The following CRTC1 variants were observed in gnomAD, a reference collection of about 807,000 sequenced individuals.
CRTC1 encodes CREB regulated transcription coactivator 1.
CRTC1 carries 18 observed loss-of-function variants against 66.1 expected under a neutral mutation model. The observed-to-expected ratio is 0.27, with a 90% CI of 0.19 to 0.40. CRTC1 has a LOEUF of 0.40. CRTC1 is among the 10% of genes least tolerant of loss of function. CRTC1 has a pLI of 1.00. For synonymous variants in CRTC1, 416 were observed against 398.8 expected (o/e 1.04, Z -0.51); for missense variants, 669 against 887.9 (o/e 0.75, Z 3.13).
chr19:18,715,996 C>T (rs1048634836), intron 1 of CRTC1, among the ~76,000 whole-genome samples: 8 of 151,612 alleles, frequency 5.3e-5, no homozygotes, highest in Admixed American at 1.3e-4. Flanking sequence ...CAGCGGTTGG[C>T]GGGGGGGGTG....
At chr19:18,724,391 C>A (rs2053697165) in intron 1 of CRTC1, among the ~76,000 whole-genome samples, 1 of 152,036 alleles carries the variant, frequency 6.6e-6, no homozygotes, top group African/African-American at 2.4e-5. Context: ...CTCAGCCCTG[C>A]CCTGGAAGGG....
At chr19:18,775,583 G>A in intron 12 of CRTC1, 58 bp from the exon 13 acceptor site, 3 of 1,432,306 alleles carry the variant, frequency 2.1e-6, no homozygotes, top group Non-Finnish European at 2.8e-6. Context: ...AGGGCTTGGG[G>A]TGGCCAGCTG....
intron 1 of CRTC1, chr19:18,735,542 G>A (rs2145697002): frequency 6.6e-6 from 1 of 152,550 alleles, no homozygotes; most frequent in East Asian, 1.9e-4. Context: ...GGTGGGGGCG[G>A]TGACAGGGCT....
intron 1 of CRTC1, among the ~76,000 whole-genome samples, chr19:18,713,309 G>A (rs141050357): frequency 1.1e-3 from 166 of 152,346 alleles, no homozygotes; most frequent in African/African-American, 3.9e-3. Context: ...CATTTGGCCT[G>A]TTTCCACCTT....
At chr19:18,748,710 AAAG>A (rs899956613) in intron 4 of CRTC1, among the ~76,000 whole-genome samples, 8 of 150,846 alleles carry the variant, frequency 5.3e-5, no homozygotes, top group African/African-American at 1.9e-4. Context: ...AAAAAAAAAA[AAAG>A]AAAAACCATA....
chr19:18,746,323 C>T (rs1204430623), intron 3 of CRTC1, among the ~76,000 whole-genome samples: 2 of 152,174 alleles, frequency 1.3e-5, no homozygotes, highest in African/African-American at 4.8e-5. Context: ...GCTGATGAGG[C>T]CTCTCCTACG....
In CRTC1 at chr19:18,771,536, G is replaced by C. The variant is rs2054868864; in HGVS notation, c.1415G>C (p.Ser472Thr). The change falls in exon 11 of 14, where the codon AGC becomes ACC. Residue 472 changes from serine (S) to threonine (T), a missense_variant. This residue lies in a region of CRTC1 where 79 missense variants were observed against 100.1 expected (regional missense o/e 0.79). Coordinates refer to ENST00000321949, the MANE Select transcript of CRTC1 (RefSeq NM_015321.3). This position sits in a 1 kb window ranked among gnomAD's most constrained non-coding sequence, Gnocchi z 4.6. ...TCCAATCAAGGCTTCTCCCCAGGGAGCTCCCCGCAAGTAAGGGGCGCCGCC... is the reference window on the plus strand; with the variant it reads ...TCCAATCAAGGCTTCTCCCCAGGGACCTCCCCGCAAGTAAGGGGCGCCGCC... ...PVSNQGFSPG[S>T]SPQHTSTLGS... 1 of 1,612,896 alleles carries C rather than the reference G, an allele frequency of 6.2e-7. No individual in the cohort carries two copies. Among genetic ancestry groups the C allele is most frequent in the South Asian group, 1.1e-5 (1 of 90,900 alleles).
chr19:18,745,686 C>A (rs1203931687), intron 2 of CRTC1, 137 bp from the exon 3 acceptor site: 5 of 1,123,932 alleles, frequency 4.4e-6, no homozygotes, highest in Non-Finnish European at 5.3e-6. Context: ...GAAGCCCATC[C>A]CAGGCTGTGG....
chr19:18,713,843 G>A (rs946431402), intron 1 of CRTC1, among the ~76,000 whole-genome samples: 6 of 152,242 alleles, frequency 3.9e-5, no homozygotes, highest in Non-Finnish European at 8.8e-5. Context: ...GCCACGCAGA[G>A]GTGGGAGCTG....
In CRTC1 at chr19:18,780,234, A is replaced by T. The variant is rs1463367041; in HGVS notation, c.*2852A>T. 1 of 231,398 alleles carries T rather than the reference A, an allele frequency of 4.3e-6. No homozygotes were observed. The highest frequency in any genetic ancestry group is 8.5e-6 in the Non-Finnish European group (1 of 117,014). The allele number at this position is 231,398 out of a possible 1,614,324, so 14.3% of individuals were successfully genotyped here. On this transcript the variant is annotated 3_prime_UTR_variant, in exon 14 of 14. Transcript: ENST00000321949. ...GGGTTAGAGGCTGCTCTCCCCACGC[A>T]CCCATGTGCTCATGGCTTCTGCAGA...
chr19:18,733,717 C>T (rs1039911545), intron 1 of CRTC1, among the ~76,000 whole-genome samples: 7 of 152,212 alleles, frequency 4.6e-5, no homozygotes, highest in Admixed American at 6.5e-5. Flanking sequence ...TGGGGACCCA[C>T]GGCATGGAGG....
At chr19:18,766,741 C>T (rs190404643) in intron 9 of CRTC1, among the ~76,000 whole-genome samples, 9 of 152,366 alleles carry the variant, frequency 5.9e-5, no homozygotes, top group African/African-American at 1.9e-4. Context: ...GCCACCACAC[C>T]CAGCCTTGTA....
intron 1 of CRTC1, among the ~76,000 whole-genome samples, chr19:18,737,262 G>C (rs1191253333): frequency 6.6e-6 from 1 of 151,500 alleles, no homozygotes; most frequent in Non-Finnish European, 1.5e-5. Flanking sequence ...GTCAGGTGGG[G>C]GGGTAGGACT....
chr19:18,720,366 T>C (rs960793648), intron 1 of CRTC1, among the ~76,000 whole-genome samples: 1 of 151,960 alleles, frequency 6.6e-6, no homozygotes, highest in Non-Finnish European at 1.5e-5. Flanking sequence ...TTTTTCTTTT[T>C]TTTGAGACAG....
At position 18,777,137 on chromosome 19, in the gene CRTC1, A is replaced by T; in HGVS notation, c.1694-34A>T. On this transcript the variant is annotated intron_variant, in intron 13 of 13. Transcript: ENST00000321949. The surrounding 1 kb of genome is among the most constrained non-coding windows in gnomAD (Gnocchi z 5.5). ...GGATGCGAGCGATGGAGCCAGGGCT[A>T]AGCAGTGCCTTTTGTCCCCACCCCA... 1 of 1,199,242 alleles carries T rather than the reference A, an allele frequency of 8.3e-7. No homozygotes were observed. Among genetic ancestry groups the T allele is most frequent in the Non-Finnish European group, 1.2e-6 (1 of 810,912 alleles). The allele number at this position is 1,199,242 out of a possible 1,614,324, so 74.3% of individuals were successfully genotyped here.
rs1478255212 is a variant in CRTC1, at chr19:18,741,672, C to G, written c.127-1238C>G. Among the ~76,000 whole-genome samples, 6 of 152,178 alleles carry G rather than the reference C, an allele frequency of 3.9e-5. No individual in the cohort carries two copies. The highest frequency in any genetic ancestry group is 7.4e-5 in the Non-Finnish European group (5 of 68,022). ...CTGTGGATGTTCATTGTGTATGTGT[C>G]TGGCCAGCGGCCACCAAGGGCTCCC... On this transcript the variant is annotated intron_variant, in intron 1 of 13. Transcript: ENST00000321949. The surrounding 1 kb of genome is among the most constrained non-coding windows in gnomAD (Gnocchi z 4.2).
chr19:18,753,790 G>A (rs1484643642), intron 6 of CRTC1, among the ~76,000 whole-genome samples: 1 of 151,988 alleles, frequency 6.6e-6, no homozygotes, highest in Non-Finnish European at 1.5e-5. Context: ...TATCCAACAG[G>A]CCGGAACTGC....
At chr19:18,684,594 G>T (rs1329848438) in intron 1 of CRTC1, among the ~76,000 whole-genome samples, 1 of 152,094 alleles carries the variant, frequency 6.6e-6, no homozygotes, top group African/African-American at 2.4e-5. Flanking sequence ...GGAGACAGCT[G>T]CCCCTTCTCC....
At chr19:18,684,174 C>T (rs772449948) in intron 1 of CRTC1, among the ~76,000 whole-genome samples, 16 of 151,966 alleles carry the variant, frequency 1.1e-4, no homozygotes, top group Non-Finnish European at 2.1e-4. Context: ...TCATTGTTAC[C>T]CGAGGGGGAC....
Sources: allele counts gnomAD v4.1 joint callset (sites outside exome capture counted in the v4.1 genomes callset), GRCh38; gene constraint gnomAD v4.1.1; regional missense constraint gnomAD v4.1.1; non-coding constraint Gnocchi (gnomAD v3.1); transcripts MANE v1.5; gene names NCBI Gene and HGNC (gene_info 2026-07-23, HGNC 2026-07-21).